Variants in FGF14 observed in about 807,000 individuals in gnomAD.
FGF14 encodes fibroblast growth factor homologous factor 4.
A neutral mutation model predicts 25.5 loss-of-function variants in FGF14; 5 were observed. The ratio of observed to expected loss-of-function variants is 0.20; its 90% CI spans 0.10 to 0.41. FGF14 has a LOEUF of 0.41. Ranked by LOEUF, FGF14 falls within the 10% of genes least tolerant of loss-of-function variation. FGF14 has a pLI of 1.00. For missense variants in FGF14, 222 were observed against 320.1 expected, an observed-to-expected ratio of 0.69 and a Z score of 2.34; for synonymous variants, 138 against 118.3, an observed-to-expected ratio of 1.17 and a Z score of -1.08.
intron 1 of FGF14, among the ~76,000 whole-genome samples, chr13:102,120,639 C>T (rs1278668491): frequency 6.6e-6 from 1 of 152,150 alleles, no homozygotes; most frequent in Non-Finnish European, 1.5e-5. Flanking sequence ...TGGTCCACAA[C>T]CTGTAAGAGA....
chr13:101,971,366 G>A (rs1287324922), intron 1 of FGF14, among the ~76,000 whole-genome samples: 1 of 139,834 alleles, frequency 7.2e-6, no homozygotes, highest in Non-Finnish European at 1.5e-5. Flanking sequence ...CAAGGTCTCA[G>A]CATATAACTT....
intron 1 of FGF14, among the ~76,000 whole-genome samples, chr13:101,905,681 C>G (rs987260354): frequency 9.2e-5 from 14 of 151,966 alleles, no homozygotes; most frequent in Non-Finnish European, 1.8e-4. Context: ...TGCACATGTA[C>G]CCCGGAACTT....
At position 101,798,966 on chromosome 13, in the gene FGF14, C is replaced by T. The variant is rs546426087; in HGVS notation, c.408+69759G>A. Among the ~76,000 whole-genome samples the T allele has an allele frequency of 1.1e-4, 17 of 152,176 alleles. No individual in the cohort carries two copies. In the East Asian group the frequency reaches 2.5e-3, roughly 23 times the overall value. On this transcript the variant is annotated intron_variant, in intron 3 of 4. Coordinates refer to ENST00000376143, the MANE Select transcript of FGF14 (RefSeq NM_004115.4). Reference sequence around the variant, plus strand: ...TAAAACTATACAGTATTCTGCTACTCGGCAGATGTATAAATAATTAGAGCA... The same window carrying T: ...TAAAACTATACAGTATTCTGCTACTTGGCAGATGTATAAATAATTAGAGCA...
intron 1 of FGF14, among the ~76,000 whole-genome samples, chr13:102,111,690 TG>T (rs2045232946): frequency 6.8e-6 from 1 of 146,054 alleles, no homozygotes; most frequent in Admixed American, 7.0e-5. Context: ...TACTCTAGCC[TG>T]GGCAACAGAG....
intron 1 of FGF14, among the ~76,000 whole-genome samples, chr13:101,960,691 C>A (rs2139455572): frequency 6.6e-6 from 1 of 152,204 alleles, no homozygotes; most frequent in South Asian, 2.1e-4. Context: ...GATTTATAGT[C>A]CTTCGGGTGT....
At chr13:102,105,114 A>G (rs2044846166) in intron 1 of FGF14, among the ~76,000 whole-genome samples, 1 of 152,210 alleles carries the variant, frequency 6.6e-6, no homozygotes, top group Non-Finnish European at 1.5e-5. Flanking sequence ...TGGAGAGGAC[A>G]TTTACTAAAA....
rs953698468 is a variant in FGF14, at chr13:102,289,898, C to T, written c.208+111573G>A. The stretch of plus-strand genomic sequence containing the variant: ...GTCTCTCTCTCTCTCTCTTTCCCTC[C>T]CTCTCTCTCTCTCTGCCTTTCTCTC... On this transcript the variant is annotated intron_variant, in intron 1 of 4. Transcript: ENST00000376131. Among the ~76,000 whole-genome samples, 8 of 150,152 alleles carry T rather than the reference C, an allele frequency of 5.3e-5. No homozygotes were observed. In the South Asian group the frequency reaches 1.7e-3, roughly 32 times the overall value.
intron 1 of FGF14, among the ~76,000 whole-genome samples, chr13:101,939,587 C>T (rs534398934): frequency 1.3e-5 from 2 of 152,206 alleles, no homozygotes; most frequent in African/African-American, 2.4e-5. Flanking sequence ...AAATGCACCA[C>T]TGACCATGGT....
chr13:102,139,843 C>A (rs1457426946), intron 1 of FGF14, among the ~76,000 whole-genome samples: 1 of 152,194 alleles, frequency 6.6e-6, no homozygotes, highest in African/African-American at 2.4e-5. Context: ...TCAACCCCTC[C>A]CCTGCCAGCC....
chr13:101,788,905 TATATAGAG>T (rs1330671354), intron 3 of FGF14, among the ~76,000 whole-genome samples: 314 of 32,662 alleles, frequency 9.6e-3, no homozygotes, highest in East Asian at 0.014. Flanking sequence ...TATATATATA[TATATAGAG>T]AGAGAGAGAG....
chr13:101,953,997 C>T (rs751370739), intron 1 of FGF14, among the ~76,000 whole-genome samples: 1 of 152,158 alleles, frequency 6.6e-6, no homozygotes, highest in African/African-American at 2.4e-5. Flanking sequence ...GAGGGAATAA[C>T]TAGAGATTGC....
chr13:101,821,191 A>G (rs574693727), intron 3 of FGF14, among the ~76,000 whole-genome samples: 6 of 151,802 alleles, frequency 4.0e-5, no homozygotes, highest in East Asian at 3.9e-4. Context: ...CTCGTGATCC[A>G]CCCGCCTCGG....
chr13:101,716,847 G>A lies in FGF14; in HGVS notation c.*5984C>T, dbSNP rs1201469941. The A allele has an allele frequency of 2.7e-5, 4 of 150,796 alleles. No individual in the cohort carries two copies. Among genetic ancestry groups the A allele is most frequent in the Admixed American group, 6.6e-5 (1 of 15,138 alleles). 9.3% of individuals were successfully genotyped at this position (150,796 alleles called of 1,614,324 possible). A position where few individuals can be genotyped will look rare whatever the true frequency, so the allele number is the denominator to read the frequency against. On this transcript the variant is annotated 3_prime_UTR_variant, in exon 5 of 5. Transcript: ENST00000376143. ...AATAGAAATTACAAATATTCACTCA[G>A]TGATAGGAACAAAATGTTTATTTTC...
At chr13:102,259,433 C>T (rs574842990) in intron 1 of FGF14, among the ~76,000 whole-genome samples, 3 of 152,314 alleles carry the variant, frequency 2.0e-5, no homozygotes, top group Non-Finnish European at 4.4e-5. Flanking sequence ...TCCAACATCT[C>T]TTCCCTTATA....
chr13:102,284,785 T>A (rs977578351), intron 1 of FGF14, among the ~76,000 whole-genome samples: 3 of 152,166 alleles, frequency 2.0e-5, no homozygotes, highest in African/African-American at 7.2e-5. Flanking sequence ...TTTAAAAAAT[T>A]AAATGGTATT....
At chr13:101,726,876 T>C (rs1351923773) in intron 3 of FGF14, 66 bp from the exon 4 acceptor site, 2 of 1,263,138 alleles carry the variant, frequency 1.6e-6, no homozygotes, top group African/African-American at 3.0e-5. Context: ...ATTCTACTCA[T>C]TCTCTAGAAA....
chr13:101,787,675 T>A (rs959251820), intron 3 of FGF14, among the ~76,000 whole-genome samples: 1 of 152,154 alleles, frequency 6.6e-6, no homozygotes, highest in Non-Finnish European at 1.5e-5. Flanking sequence ...TTCTTTTCTG[T>A]CCTCCTACCC....
At chr13:101,964,757 AT>A (rs11391018) in intron 1 of FGF14, among the ~76,000 whole-genome samples, 1 of 151,364 alleles carries the variant, frequency 6.6e-6, no homozygotes, top group African/African-American at 2.4e-5. Context: ...TTCTACTTTC[AT>A]TTTTTTTCTT....
At chr13:101,724,868 CATAT>C (rs199501097) in intron 4 of FGF14, among the ~76,000 whole-genome samples, 1 of 150,942 alleles carries the variant, frequency 6.6e-6, no homozygotes, top group East Asian at 1.9e-4. Context: ...CTCTCTTTCT[CATAT>C]ATATATATGT....
Sources: allele counts gnomAD v4.1 joint callset (sites outside exome capture counted in the v4.1 genomes callset), GRCh38; gene constraint gnomAD v4.1.1; transcripts MANE v1.5; gene names NCBI Gene and HGNC (gene_info 2026-07-23, HGNC 2026-07-21).